Variants in NUCB2 observed in about 807,000 individuals in gnomAD.
NUCB2 encodes the protein nucleobindin-2.
A neutral mutation model predicts 57.9 loss-of-function variants in NUCB2; 48 were observed. The ratio of observed to expected loss-of-function variants is 0.83; its 90% confidence interval spans 0.66 to 1.05. NUCB2 has a LOEUF of 1.05. Ranked by LOEUF, NUCB2 falls within the 50% of genes least tolerant of loss-of-function variation. The pLI is 0.00. For missense variants in NUCB2, 442 were observed against 476.2 expected (o/e 0.93, Z 0.67); for synonymous variants, 139 against 152.1 (o/e 0.91, Z 0.64).
intron 2 of NUCB2, among the ~76,000 whole-genome samples, chr11:17,294,591 C>T (rs558270095): frequency 2.5e-4 from 38 of 150,818 alleles, no homozygotes; most frequent in Non-Finnish European, 5.2e-4. Flanking sequence ...GTGTCACTCT[C>T]CTGTGTATGT....
At chr11:17,348,319 G>GTTTTTT (rs55741571) in intron 2 of NUCB2, among the ~76,000 whole-genome samples, 5 of 84,472 alleles carry the variant, frequency 5.9e-5, no homozygotes, top group East Asian at 3.5e-4. Flanking sequence ...TTGTTTTTGT[G>GTTTTTT]TTTTTTTTTT....
At chr11:17,319,373 G>C (rs914845537) in intron 11 of NUCB2, among the ~76,000 whole-genome samples, 1 of 152,012 alleles carries the variant, frequency 6.6e-6, no homozygotes, top group African/African-American at 2.4e-5. Context: ...CTTACTTTTA[G>C]TATATCAGGA....
Position 17,311,936 on chromosome 11 carries a change from G to C in NUCB2, c.819+6G>C, listed in dbSNP as rs371489492. 2.5e-6 allele frequency: 4 copies of C among 1,580,724 alleles called. No homozygotes were observed. The highest frequency in any genetic ancestry group is 3.4e-5 in the Admixed American group (2 of 58,440). Reference sequence around the variant, plus strand: ...AAGCCCTATTTACTAAAGAGGTAAAGGAGTTTATTAAGTATTCAGTGTTCT... The same window carrying C: ...AAGCCCTATTTACTAAAGAGGTAAACGAGTTTATTAAGTATTCAGTGTTCT... On this transcript the variant is annotated splice_donor_region_variant and intron_variant, in intron 9 of 13. Transcript: ENST00000529010.
downstream of NUCB2, chr11:17,333,848 AAG>A (rs1455656196): frequency 6.6e-6 from 1 of 152,356 alleles, no homozygotes; most frequent in African/African-American, 2.4e-5. Context: ...ATGGTAGACA[AAG>A]AGCAATTCTC....
At chr11:17,318,795 G>A (rs1439993556) in intron 11 of NUCB2, among the ~76,000 whole-genome samples, 1 of 152,202 alleles carries the variant, frequency 6.6e-6, no homozygotes, top group African/African-American at 2.4e-5. Context: ...TAAGTAGAGG[G>A]AGAGAGAAGG....
chr11:17,311,286 A>G lies in NUCB2; in HGVS notation c.760+3A>G, dbSNP rs1311396271. 3 of 1,568,456 alleles carry G rather than the reference A, an allele frequency of 1.9e-6. No individual in the cohort carries two copies. The highest frequency in any genetic ancestry group is 8.7e-7 in the Non-Finnish European group (1 of 1,145,226). Reference sequence around the variant, plus strand: ...CAAGACATTTTTCAAATTACATGGTAACGATTTGATACAAATATTAATATT... The same window carrying G: ...CAAGACATTTTTCAAATTACATGGTGACGATTTGATACAAATATTAATATT... On this transcript the variant is annotated splice_donor_region_variant and intron_variant, in intron 8 of 13. Coordinates refer to ENST00000529010, the MANE Select transcript of NUCB2 (RefSeq NM_005013.4).
At chr11:17,333,641 G>C (rs529630553), downstream of NUCB2, 62 of 152,302 alleles carry the variant, frequency 4.1e-4, no homozygotes, top group African/African-American at 1.4e-3. Flanking sequence ...GGCTTGCATG[G>C]AATGGCAACA....
At chr11:17,348,338 T>G (rs2023816) in intron 2 of NUCB2, among the ~76,000 whole-genome samples, 34,450 of 121,150 alleles carry the variant, frequency 0.28, 4,958 homozygotes, top group East Asian at 0.49. Context: ...TTTTTTTTTT[T>G]TTTTTTTTTT....
intron 2 of NUCB2, among the ~76,000 whole-genome samples, chr11:17,344,862 G>A (rs986411957): frequency 1.3e-5 from 2 of 152,128 alleles, no homozygotes; most frequent in Non-Finnish European, 2.9e-5. Context: ...AATTCTGTCC[G>A]AGCCCCTGTG....
chr11:17,285,203 A>G (rs376911827), intron 2 of NUCB2, among the ~76,000 whole-genome samples: 20 of 151,614 alleles, frequency 1.3e-4, no homozygotes, highest in Middle Eastern at 3.4e-3. Context: ...CAAGGCGGGC[A>G]GATCACAAGG....
chr11:17,342,027 T>C (rs1952314014), intron 2 of NUCB2, among the ~76,000 whole-genome samples: 4 of 152,220 alleles, frequency 2.6e-5, no homozygotes. Flanking sequence ...ATTCAACTTC[T>C]TCTGGGTTTA....
rs214087 is a variant in NUCB2 at position 17,276,818 on chromosome 11, G to C, written c.-166G>C. ...CACCAGGCGCAGCCTCGCTCGCCGA[G>C]ACCCGGCCAGGTAAGGCCGGTGGCC... On this transcript the variant is annotated 5_prime_UTR_variant, in exon 1 of 14. Coordinates refer to ENST00000529010, the MANE Select transcript of NUCB2 (RefSeq NM_005013.4). 73,835 of 152,268 alleles carry C rather than the reference G, an allele frequency of 0.48. 18,645 individuals are homozygous for C. The highest frequency in any genetic ancestry group is 0.8 in the East Asian group (4,115 of 5,150). The allele number at this position is 152,268 out of a possible 1,614,324, so 9.4% of individuals were successfully genotyped here.
chr11:17,324,591 G>A (rs1316084743), intron 11 of NUCB2, among the ~76,000 whole-genome samples: 2 of 151,906 alleles, frequency 1.3e-5, no homozygotes, highest in Non-Finnish European at 2.9e-5. Flanking sequence ...ATGCCACCAC[G>A]CCCAGCTAAC....
intron 5 of NUCB2, among the ~76,000 whole-genome samples, chr11:17,304,340 G>C (rs1331292213): frequency 6.6e-6 from 1 of 151,928 alleles, no homozygotes; most frequent in Non-Finnish European, 1.5e-5. Context: ...GATTACAGGT[G>C]CCTGCCACCA....
Position 17,324,663 on chromosome 11 carries a change from A to T in NUCB2, c.1003-5464A>T, listed in dbSNP as rs531628576. On this transcript the variant is annotated intron_variant, in intron 11 of 13. Transcript: ENST00000529010. ...TGGCCAGGCTAGTCTTGATCTCCCA[A>T]CCTCAAGTGATCCGCCCACCTTGGC... Among the ~76,000 whole-genome samples the T allele has an allele frequency of 2.6e-5, 4 of 152,146 alleles. No individual in the cohort carries two copies. The South Asian group carries it at 8.3e-4, about 32-fold the overall frequency.
intron 1 of NUCB2, among the ~76,000 whole-genome samples, chr11:17,282,254 ATATATTTTT>A (rs1412225530): frequency 3.7e-5 from 4 of 107,908 alleles, no homozygotes; most frequent in East Asian, 7.2e-4. Flanking sequence ...ATATATATAT[ATATATTTTT>A]TTTTTTTTTT....
At chr11:17,321,333 A>T (rs1394671090) in intron 11 of NUCB2, among the ~76,000 whole-genome samples, 1 of 152,032 alleles carries the variant, frequency 6.6e-6, no homozygotes, top group South Asian at 2.1e-4. Context: ...GATCCCACAG[A>T]TAAGTAGGAA....
downstream of NUCB2, among the ~76,000 whole-genome samples, chr11:17,335,102 A>G (rs1173204977): frequency 6.6e-5 from 10 of 151,776 alleles, no homozygotes; most frequent in Admixed American, 6.6e-4. Flanking sequence ...ATGTAGTAAT[A>G]GTGCTTGCTA....
chr11:17,300,056 G>A (rs1946443869), intron 4 of NUCB2, among the ~76,000 whole-genome samples: 1 of 151,926 alleles, frequency 6.6e-6, no homozygotes. Context: ...TGTCGCCCAG[G>A]CTGCAGTGCA....
Sources: allele counts gnomAD v4.1 joint callset (sites outside exome capture counted in the v4.1 genomes callset), GRCh38; gene constraint gnomAD v4.1.1; transcripts MANE v1.5; gene names NCBI Gene and HGNC (gene_info 2026-07-23, HGNC 2026-07-21).